DPP10: variants seen among roughly 807,000 people sequenced by gnomAD.
DPP10 encodes inactive dipeptidyl peptidase 10.
DPP10 carries 33 observed loss-of-function variants against 120.9 expected under a neutral mutation model. The ratio of observed to expected loss-of-function variants is 0.27; its 90% CI spans 0.21 to 0.37. The LOEUF (loss-of-function observed/expected upper bound fraction) is 0.37. Ranked by LOEUF, DPP10 falls within the 10% of genes least tolerant of loss-of-function variation. The pLI, the probability that DPP10 is intolerant of heterozygous loss-of-function variation, is 1.00. For missense variants in DPP10, 816 were observed against 942.8 expected (o/e 0.87, Z 1.76); for synonymous variants, 337 against 326.1 (o/e 1.03, Z -0.36).
chr2:114,641,727 A>T (rs1040181963), intron 1 of DPP10, among the ~76,000 whole-genome samples: 2 of 152,000 alleles, frequency 1.3e-5, no homozygotes, highest in African/African-American at 4.8e-5. Context: ...GAAATTAACC[A>T]TGTAAATGCT....
chr2:115,015,505 A>T lies in DPP10; in HGVS notation c.61-293734A>T, dbSNP rs567479039. ...AGTACTGGAAGTTCTGGCCAGGGCA[A>T]TCAGGCCAGAAAAAGAAATAAAGTG... is the stretch of plus-strand genomic sequence containing the variant. On this transcript the variant is annotated intron_variant, in intron 1 of 25. Transcript: ENST00000410059. 1.4e-3 allele frequency among the ~76,000 whole-genome samples: 218 copies of T among 152,224 alleles called. 1 individual carries two copies. The highest frequency in any genetic ancestry group is 2.6e-3 in the Non-Finnish European group (176 of 67,998).
chr2:114,841,633 A>G (rs1167532319), intron 1 of DPP10, among the ~76,000 whole-genome samples: 2 of 152,240 alleles, frequency 1.3e-5, no homozygotes, highest in East Asian at 3.9e-4. Context: ...TTGAGAATCA[A>G]CTTCTAGGAC....
At chr2:115,214,563 A>G (rs964522706) in intron 1 of DPP10, among the ~76,000 whole-genome samples, 5 of 152,166 alleles carry the variant, frequency 3.3e-5, no homozygotes, top group African/African-American at 4.8e-5. Flanking sequence ...CAATATTGCC[A>G]TGGGGTATAC....
intron 1 of DPP10, among the ~76,000 whole-genome samples, chr2:115,252,707 T>C (rs2105682307): frequency 6.6e-6 from 1 of 152,354 alleles, no homozygotes; most frequent in East Asian, 1.9e-4. Flanking sequence ...GGGTAAGGAC[T>C]GCCAGATATT....
In DPP10 at chr2:115,514,009, A is replaced by G. The variant is rs563776591; in HGVS notation, c.367-11889A>G. Among the ~76,000 whole-genome samples, 5 of 152,036 alleles carry G rather than the reference A, an allele frequency of 3.3e-5. No homozygotes were observed. The East Asian group carries it at 7.7e-4, about 23-fold the overall frequency. ...AGAAATGACAACTTCTCCTTCCTTTATGAGAGAAAGTTTAGCTCGATATAG... is the reference window on the plus strand; with the variant it reads ...AGAAATGACAACTTCTCCTTCCTTTGTGAGAGAAAGTTTAGCTCGATATAG... On this transcript the variant is annotated intron_variant, in intron 4 of 25. Transcript: ENST00000410059.
chr2:115,230,819 A>C lies in DPP10; in HGVS notation c.61-78420A>C, dbSNP rs188476885. ...AATCCATAGTATTCTAACATGGCTC[A>C]TAGTTTGCTGGAAAGTAATTACAAA... is the stretch of plus-strand genomic sequence containing the variant. On this transcript the variant is annotated intron_variant, in intron 1 of 25. Coordinates refer to ENST00000410059, the MANE Select transcript of DPP10 (RefSeq NM_020868.6). 2.5e-3 allele frequency among the ~76,000 whole-genome samples: 378 copies of C among 152,204 alleles called. 2 individuals are homozygous for C. The highest frequency in any genetic ancestry group is 4.3e-3 in the South Asian group (21 of 4,830).
intron 1 of DPP10, among the ~76,000 whole-genome samples, chr2:114,481,056 T>C (rs957763902): frequency 6.6e-6 from 1 of 151,616 alleles, no homozygotes; most frequent in African/African-American, 2.4e-5. Flanking sequence ...ATCTTCAAGA[T>C]TTACCATGAG....
At chr2:114,453,479 C>T (rs1314101476) in intron 1 of DPP10, among the ~76,000 whole-genome samples, 4 of 152,036 alleles carry the variant, frequency 2.6e-5, no homozygotes, top group Non-Finnish European at 4.4e-5. Context: ...ATGGTGATAT[C>T]CCTCATCAAA....
chr2:115,189,858 C>T (rs2054742256), intron 1 of DPP10, among the ~76,000 whole-genome samples: 1 of 152,104 alleles, frequency 6.6e-6, no homozygotes, highest in Non-Finnish European at 1.5e-5. Context: ...TGATTCCTTT[C>T]CATTTACTGT....
At chr2:114,562,812 T>C (rs1480780951) in intron 1 of DPP10, among the ~76,000 whole-genome samples, 1 of 152,224 alleles carries the variant, frequency 6.6e-6, no homozygotes, top group African/African-American at 2.4e-5. Flanking sequence ...CTTAAGTATA[T>C]GTAACCTTTC....
At chr2:115,741,631 T>C (rs1677287852) in intron 9 of DPP10, among the ~76,000 whole-genome samples, 1 of 152,180 alleles carries the variant, frequency 6.6e-6, no homozygotes, top group Non-Finnish European at 1.5e-5. Flanking sequence ...TTCAGTGCAC[T>C]GCACAAAGGG....
At chr2:115,369,975 G>A (rs1404742646) in intron 3 of DPP10, among the ~76,000 whole-genome samples, 1 of 152,076 alleles carries the variant, frequency 6.6e-6, no homozygotes, top group Admixed American at 6.6e-5. Flanking sequence ...AGATTTGACT[G>A]TACAAAAACT....
intron 1 of DPP10, among the ~76,000 whole-genome samples, chr2:114,741,758 G>C (rs1026462792): frequency 3.3e-5 from 5 of 152,156 alleles, no homozygotes; most frequent in Non-Finnish European, 7.4e-5. Context: ...ATCACATGAA[G>C]ATGGAGGCAG....
At chr2:115,169,459 T>A (rs1179540651) in intron 1 of DPP10, among the ~76,000 whole-genome samples, 1 of 150,996 alleles carries the variant, frequency 6.6e-6, no homozygotes, top group Non-Finnish European at 1.5e-5. Context: ...ATATATATAT[T>A]TATGATCTAA....
chr2:115,760,326 T>C (rs987883342), intron 11 of DPP10, among the ~76,000 whole-genome samples: 1 of 152,120 alleles, frequency 6.6e-6, no homozygotes, highest in African/African-American at 2.4e-5. Context: ...GAGTACATAA[T>C]AGGTATGTAA....
At chr2:115,514,446 G>A (rs1387102053) in intron 4 of DPP10, among the ~76,000 whole-genome samples, 1 of 151,326 alleles carries the variant, frequency 6.6e-6, no homozygotes, top group Non-Finnish European at 1.5e-5. Flanking sequence ...TTATTTATAT[G>A]TGTCTCTTAA....
chr2:114,487,421 C>T (rs116050603), intron 1 of DPP10, among the ~76,000 whole-genome samples: 6 of 152,298 alleles, frequency 3.9e-5, no homozygotes, highest in South Asian at 2.1e-4. Flanking sequence ...TTTTAATACA[C>T]TCTTCCTAAT....
At chr2:114,864,345 A>C (rs1187562669) in intron 1 of DPP10, among the ~76,000 whole-genome samples, 2 of 152,188 alleles carry the variant, frequency 1.3e-5, no homozygotes, top group Non-Finnish European at 2.9e-5. Context: ...AGATGGCCAC[A>C]TCTCCCTGTC....
intron 1 of DPP10, among the ~76,000 whole-genome samples, chr2:114,622,635 G>A (rs529145722): frequency 3.9e-5 from 6 of 152,096 alleles, no homozygotes; most frequent in African/African-American, 9.6e-5. Flanking sequence ...AATAAGCCTC[G>A]CTGAACACAG....
Sources: gnomAD v4.1 joint callset for allele counts (sites outside exome capture counted in the v4.1 genomes callset) on GRCh38, gnomAD v4.1.1 for gene constraint, MANE v1.5 for transcripts, NCBI Gene and HGNC (gene_info 2026-07-23, HGNC 2026-07-21) for gene names.